The following ESS2 variants were observed in gnomAD, a reference collection of about 807,000 sequenced individuals.
ESS2 encodes ess-2 spliceosome associated protein, also known as splicing factor ESS-2 homolog.
In ESS2, 31 loss-of-function variants were observed where a neutral mutation model predicts 52.0. The observed-to-expected ratio is 0.60, with a 90% CI of 0.45 to 0.81. ESS2 has a LOEUF of 0.81. Ranked by LOEUF, ESS2 falls within the 30% of genes least tolerant of loss-of-function variation. ESS2 has a pLI of 0.00. For missense variants in ESS2, 602 were observed against 637.2 expected, an observed-to-expected ratio of 0.94 and a Z score of 0.59; for synonymous variants, 285 against 259.2, an observed-to-expected ratio of 1.10 and a Z score of -0.95.
chr22:19,139,564 C>G (rs754248385), intron 5 of ESS2, 48 bp downstream of exon 5: 5 of 1,551,402 alleles, frequency 3.2e-6, no homozygotes, highest in Non-Finnish European at 3.6e-6. Flanking sequence ...CAGACACACA[C>G]AGCTCTACCC....
chr22:19,137,269 G>T, intron 8 of ESS2, 54 bp downstream of exon 8: 1 of 1,333,786 alleles, frequency 7.5e-7, no homozygotes, highest in Non-Finnish European at 1.1e-6. Flanking sequence ...GGCACTCAGG[G>T]CTCCAGAGGT....
chr22:19,131,490 T>G lies in ESS2; in HGVS notation c.*2706A>C. ...CTACGCAAAAGTCAAATCTGCCTACTCTGAGCGCCTCAAGTTCAATGTGGC... is the reference window on the plus strand; with the variant it reads ...CTACGCAAAAGTCAAATCTGCCTACGCTGAGCGCCTCAAGTTCAATGTGGC... On this transcript the variant is annotated 3_prime_UTR_variant, in exon 10 of 10. Transcript: ENST00000252137. This position sits in a 1 kb window ranked among gnomAD's most constrained non-coding sequence, Gnocchi z 5.7. 6.2e-7 allele frequency: 1 copy of G among 1,614,142 alleles called. No individual in the cohort carries two copies. The highest frequency in any genetic ancestry group is 8.5e-7 in the Non-Finnish European group (1 of 1,180,028).
chr22:19,140,106 C>A, intron 3 of ESS2, 82 bp from the exon 4 acceptor site: 2 of 1,520,920 alleles, frequency 1.3e-6, no homozygotes, highest in Admixed American at 1.7e-5. Flanking sequence ...GGAATCATAG[C>A]CCCCAACATG....
chr22:19,138,459 G>A lies in ESS2; in HGVS notation c.823-142C>T, dbSNP rs1476433423. 5 of 839,288 alleles carry A rather than the reference G, an allele frequency of 6.0e-6. No homozygotes were observed. The African/African-American group carries it at 6.7e-5, about 11-fold the overall frequency. 52.0% of individuals were successfully genotyped at this position (839,288 alleles called of 1,614,324 possible). A position where few individuals can be genotyped will look rare whatever the true frequency, so the allele number is the denominator to read the frequency against. ...GGGCTCTGGGGTTGGCAGCCTTCTTGGAGAAAGAGAGGGAGGGCCCCTGCC... is the reference window on the plus strand; with the variant it reads ...GGGCTCTGGGGTTGGCAGCCTTCTTAGAGAAAGAGAGGGAGGGCCCCTGCC... On this transcript the variant is annotated intron_variant, in intron 6 of 9. Coordinates refer to ENST00000252137, the MANE Select transcript of ESS2 (RefSeq NM_022719.3).
At chr22:19,144,239 C>G in intron 1 of ESS2, 1 of 1,247,640 alleles carries the variant, frequency 8.0e-7, no homozygotes, top group Non-Finnish European at 1.0e-6. Flanking sequence ...CAAACTCCTA[C>G]TCACACTTTA....
intron 1 of ESS2, 40 bp from the exon 2 acceptor site, chr22:19,142,934 C>A: frequency 1.3e-6 from 2 of 1,582,528 alleles, no homozygotes; most frequent in South Asian, 1.2e-5. Flanking sequence ...AGGCCAGGCG[C>A]GGTGGCTCAC....
Position 19,130,597 on chromosome 22 carries a change from C to T in ESS2, c.*3599G>A, listed in dbSNP as rs2083497595. 2.5e-6 allele frequency: 1 copy of T among 400,178 alleles called. No individual in the cohort carries two copies. Among genetic ancestry groups the T allele is most frequent in the African/African-American group, 2.1e-5 (1 of 47,282 alleles). The allele number at this position is 400,178 out of a possible 1,614,324, so 24.8% of individuals were successfully genotyped here. A position where few individuals can be genotyped will look rare whatever the true frequency, so the allele number is the denominator to read the frequency against. On this transcript the variant is annotated 3_prime_UTR_variant, in exon 10 of 10. Transcript: ENST00000252137. The stretch of plus-strand genomic sequence containing the variant: ...GGTCCAGAGAGCTGCCTTAGACTAT[C>T]CAATTGATCTATTCAAACAGCTGCC...
chr22:19,138,255 C>T lies in ESS2; in HGVS notation c.885G>A (p.Val295=), dbSNP rs753008471. The T allele has an allele frequency of 1.9e-6, 3 of 1,614,050 alleles. No homozygotes were observed. The South Asian group carries it at 3.3e-5, about 18-fold the overall frequency. ...GAGTGGCAACAAATCCAAATCCACCCACTCGAGGGGACTCCTGGGGGATCA... is the reference window on the plus strand; with the variant it reads ...GAGTGGCAACAAATCCAAATCCACCTACTCGAGGGGACTCCTGGGGGATCA... The part of the protein sequence containing the change: ...KELIPQESPR[V]GGFGFVATPS... Residue 295 remains valine, a synonymous_variant, in exon 7 of 10, where the codon GTG becomes GTA. Coordinates refer to ENST00000252137, the MANE Select transcript of ESS2 (RefSeq NM_022719.3).
chr22:19,131,977 A>C lies in ESS2; in HGVS notation c.*2219T>G, dbSNP rs142906174. On this transcript the variant is annotated 3_prime_UTR_variant, in exon 10 of 10. Coordinates refer to ENST00000252137, the MANE Select transcript of ESS2 (RefSeq NM_022719.3). The surrounding 1 kb of genome is among the most constrained non-coding windows in gnomAD (Gnocchi z 5.7). ...GAGGTGCTGCAGAGCATCCCCTACC[A>C]GCCCAAGGTGTATGACATCTGGAGC... 9,346 of 1,614,206 alleles carry C rather than the reference A, an allele frequency of 5.8e-3. 46 individuals carry two copies. The highest frequency in any genetic ancestry group is 7.0e-3 in the Non-Finnish European group (8,281 of 1,180,032).
intron 1 of ESS2, 23 bp downstream of exon 1, chr22:19,144,483 C>T (rs754891666): frequency 1.9e-6 from 3 of 1,611,380 alleles, no homozygotes; most frequent in South Asian, 2.2e-5. Flanking sequence ...CAGAAGTCGC[C>T]GGCGTCCGCA....
At chr22:19,137,502 T>C (rs3765611) in intron 7 of ESS2, 70 bp from the exon 8 acceptor site, 16,490 of 1,223,538 alleles carry the variant, frequency 0.013, 659 homozygotes, top group Admixed American at 0.079. Context: ...CAGTCACAGC[T>C]TGTTCACCCA....
chr22:19,139,393 A>C lies in ESS2; in HGVS notation c.689-101T>G. On this transcript the variant is annotated intron_variant, in intron 5 of 9. Coordinates refer to ENST00000252137, the MANE Select transcript of ESS2 (RefSeq NM_022719.3). ...GCCAAGTCACTCCCAGATGAACAAA[A>C]GCATTGAGCAGAACGCAGGCCCCAG... 5.4e-6 allele frequency: 8 copies of C among 1,478,852 alleles called. No homozygotes were observed. In the South Asian group the frequency reaches 1.1e-4, roughly 20 times the overall value. 91.6% of individuals were successfully genotyped at this position (1,478,852 alleles called of 1,614,324 possible). A position where few individuals can be genotyped will look rare whatever the true frequency, so the allele number is the denominator to read the frequency against.
intron 1 of ESS2, among the ~76,000 whole-genome samples, chr22:19,143,880 C>G (rs1006575322): frequency 6.6e-6 from 1 of 152,134 alleles, no homozygotes; most frequent in Non-Finnish European, 1.5e-5. Flanking sequence ...TAAAAATAAA[C>G]CTTTTTCCTG....
In ESS2 at chr22:19,137,688, C is replaced by G. The variant is rs906696982; in HGVS notation, c.926-256G>C. The G allele has an allele frequency of 3.1e-6, 3 of 972,944 alleles. No homozygotes were observed. In the African/African-American group the frequency reaches 5.3e-5, roughly 17 times the overall value. 60.3% of individuals were successfully genotyped at this position (972,944 alleles called of 1,614,324 possible). A position where few individuals can be genotyped will look rare whatever the true frequency, so the allele number is the denominator to read the frequency against. ...CCTACAAGCCTCTGGGAGGTCTCCC[C>G]CAGCCACGCAGGAGGAGACACTCAG... On this transcript the variant is annotated intron_variant, in intron 7 of 9. Coordinates refer to ENST00000252137, the MANE Select transcript of ESS2 (RefSeq NM_022719.3).
chr22:19,131,347 GC>G lies in ESS2; in HGVS notation c.*2848del. 6.7e-7 allele frequency: 1 copy of G among 1,485,402 alleles called. No homozygotes were observed. 92.0% of individuals were successfully genotyped at this position (1,485,402 alleles called of 1,614,324 possible). A position where few individuals can be genotyped will look rare whatever the true frequency, so the allele number is the denominator to read the frequency against. Reference sequence around the variant, plus strand: ...GTGTAAATGAGGACAATGCCTGCTGGCCCACATGACGGGGGGATGTAGACGG... The same window carrying G: ...GTGTAAATGAGGACAATGCCTGCTGGCCACATGACGGGGGGATGTAGACGG... On this transcript the variant is annotated 3_prime_UTR_variant, in exon 10 of 10. Transcript: ENST00000252137. The surrounding 1 kb of genome is among the most constrained non-coding windows in gnomAD (Gnocchi z 5.7).
chr22:19,138,030 C>T lies in ESS2; in HGVS notation c.925+185G>A, dbSNP rs971490136. On this transcript the variant is annotated intron_variant, in intron 7 of 9. Coordinates refer to ENST00000252137, the MANE Select transcript of ESS2 (RefSeq NM_022719.3). Reference sequence around the variant, plus strand: ...TCTGCCTGAGAGTCCAGCCCACCCACGGCCCCAAGCAGCCTGGACACCTGG... The same window carrying T: ...TCTGCCTGAGAGTCCAGCCCACCCATGGCCCCAAGCAGCCTGGACACCTGG... 21 of 985,254 alleles carry T rather than the reference C, an allele frequency of 2.1e-5. No homozygotes were observed. The East Asian group carries it at 1.6e-3, about 74-fold the overall frequency. 61.0% of individuals were successfully genotyped at this position (985,254 alleles called of 1,614,324 possible).
Position 19,132,314 on chromosome 22 carries a change from G to C in ESS2, c.*1882C>G. 6.2e-7 allele frequency: 1 copy of C among 1,613,042 alleles called. No homozygotes were observed. On this transcript the variant is annotated 3_prime_UTR_variant, in exon 10 of 10. Transcript: ENST00000252137. This position sits in a 1 kb window ranked among gnomAD's most constrained non-coding sequence, Gnocchi z 4.2. ...GCAAACTGGACACCAAGACAGGCTT[G>C]AGGCCCGACCACCGGCCCGACCACA... is the stretch of plus-strand genomic sequence containing the variant.
rs2083616767 is a variant in ESS2 at position 19,138,143 on chromosome 22, G to A, written c.925+72C>T. On this transcript the variant is annotated intron_variant, in intron 7 of 9. Coordinates refer to ENST00000252137, the MANE Select transcript of ESS2 (RefSeq NM_022719.3). ...CAGGTAGAGGCCAGGAGTGGCCAGG[G>A]CCGACTGAGAAGCCCACCTCCCCCA... 1.9e-6 allele frequency: 3 copies of A among 1,601,200 alleles called. No individual in the cohort carries two copies. The East Asian group carries it at 6.8e-5, about 36-fold the overall frequency.
chr22:19,138,148 C>A (rs2083616932), intron 7 of ESS2, 67 bp downstream of exon 7: 6 of 1,605,316 alleles, frequency 3.7e-6, no homozygotes, highest in South Asian at 1.1e-5. Flanking sequence ...CCAGGGCCGA[C>A]TGAGAAGCCC....
Sources: gnomAD v4.1 joint callset for allele counts (sites outside exome capture counted in the v4.1 genomes callset) on GRCh38, gnomAD v4.1.1 for gene constraint, Gnocchi (gnomAD v3.1) non-coding constraint, MANE v1.5 for transcripts, NCBI Gene and HGNC (gene_info 2026-07-23, HGNC 2026-07-21) for gene names.